SHANK2: variants seen among roughly 807,000 people sequenced by gnomAD.
The protein encoded by SHANK2 is SH3 and multiple ankyrin repeat domains protein 2.
Under a neutral mutation model 133.7 loss-of-function variants are expected in SHANK2, and 43 were observed. The ratio of observed to expected loss-of-function variants is 0.32; its 90% CI spans 0.25 to 0.41. The LOEUF is 0.41. Among genes scored for constraint, SHANK2 ranks in the 10% least tolerant of loss-of-function variants. SHANK2 has a pLI of 1.00. For synonymous variants in SHANK2, 1,017 were observed against 952.8 expected, an observed-to-expected ratio of 1.07 and a Z score of -1.24; for missense variants, 1,994 against 2,235.8, an observed-to-expected ratio of 0.89 and a Z score of 2.18.
intron 15 of SHANK2, among the ~76,000 whole-genome samples, chr11:70,693,421 C>T (rs1275774699): frequency 1.3e-5 from 2 of 152,174 alleles, no homozygotes; most frequent in Non-Finnish European, 2.9e-5. Flanking sequence ...TGAACCTTCT[C>T]TTGAGGGGTG....
At chr11:70,650,386 G>T (rs554491478) in intron 17 of SHANK2, among the ~76,000 whole-genome samples, 2 of 152,290 alleles carry the variant, frequency 1.3e-5, no homozygotes, top group South Asian at 4.1e-4. Flanking sequence ...ACATGCTGAG[G>T]GCTTTCTCCA....
intron 9 of SHANK2, among the ~76,000 whole-genome samples, chr11:71,068,897 C>G (rs1408033084): frequency 2.6e-5 from 4 of 151,720 alleles, no homozygotes; most frequent in African/African-American, 9.7e-5. Flanking sequence ...ACCATCACCA[C>G]CACCATCATC....
chr11:71,063,966 A>G (rs919171024), intron 9 of SHANK2, among the ~76,000 whole-genome samples: 137 of 151,932 alleles, frequency 9.0e-4, no homozygotes, highest in Non-Finnish European at 1.2e-3. Flanking sequence ...TTCCATTTAC[A>G]GATGAAGACC....
intron 17 of SHANK2, among the ~76,000 whole-genome samples, chr11:70,646,748 G>T (rs2061266211): frequency 1.3e-5 from 2 of 152,198 alleles, no homozygotes; most frequent in Non-Finnish European, 2.9e-5. Flanking sequence ...TCACAGTCCA[G>T]ATACCAAACA....
At chr11:70,920,949 T>G (rs781926632) in intron 10 of SHANK2, among the ~76,000 whole-genome samples, 2 of 152,190 alleles carry the variant, frequency 1.3e-5, no homozygotes, top group Non-Finnish European at 2.9e-5. Context: ...CCCCTTAAAC[T>G]TAGACGTGGC....
rs565163457 is a variant in SHANK2, at chr11:71,188,156, G to A, written c.-13+36541C>T. On this transcript the variant is annotated intron_variant, in intron 2 of 25. Transcript: ENST00000601538. This position sits in a 1 kb window ranked among gnomAD's most constrained non-coding sequence, Gnocchi z 4.6. ...AGACGTTTCCCTCTGCCTCTGCCCC[G>A]TTTTCCCAGCCACTCCTGAGACCTG... Among the ~76,000 whole-genome samples the A allele has an allele frequency of 8.3e-4, 127 of 152,150 alleles. No individual in the cohort carries two copies. The highest frequency in any genetic ancestry group is 2.8e-3 in the African/African-American group (115 of 41,508).
chr11:71,139,419 G>A (rs1298816023), intron 3 of SHANK2, among the ~76,000 whole-genome samples: 1 of 151,782 alleles, frequency 6.6e-6, no homozygotes, highest in Non-Finnish European at 1.5e-5. Context: ...GAGTTAATGG[G>A]TGCAGCACAG....
intron 1 of SHANK2, among the ~76,000 whole-genome samples, chr11:71,230,608 T>C (rs1424967147): frequency 6.7e-6 from 1 of 149,090 alleles, no homozygotes; most frequent in African/African-American, 2.5e-5. Flanking sequence ...GCAAAAGAAC[T>C]AGGAAAACTA....
chr11:70,829,335 C>T (rs983942071), intron 11 of SHANK2, among the ~76,000 whole-genome samples: 14 of 152,306 alleles, frequency 9.2e-5, no homozygotes, highest in South Asian at 4.1e-4. Context: ...GGCCACCGTC[C>T]GGTGCGTGTG....
At chr11:70,774,750 T>C (rs1347022390) in intron 14 of SHANK2, among the ~76,000 whole-genome samples, 2 of 152,160 alleles carry the variant, frequency 1.3e-5, no homozygotes, top group Non-Finnish European at 2.9e-5. Flanking sequence ...CAGTAAATTT[T>C]ATGGCATTGA....
intron 1 of SHANK2, among the ~76,000 whole-genome samples, chr11:71,225,867 T>C (rs939114119): frequency 2.0e-5 from 3 of 152,236 alleles, no homozygotes; most frequent in African/African-American, 7.2e-5. Flanking sequence ...CTCATGCCTG[T>C]AATCCCGGCA....
At chr11:71,076,320 G>A (rs1053261705) in intron 8 of SHANK2, among the ~76,000 whole-genome samples, 16 of 152,250 alleles carry the variant, frequency 1.1e-4, no homozygotes, top group Non-Finnish European at 1.8e-4. Flanking sequence ...AGGCGCCATG[G>A]TAGCCCAGGA....
chr11:71,220,537 A>G (rs1565523489), intron 2 of SHANK2, among the ~76,000 whole-genome samples: 1 of 152,200 alleles, frequency 6.6e-6, no homozygotes, highest in Non-Finnish European at 1.5e-5. Context: ...CCCAGTGTCC[A>G]CCACTGGATG....
chr11:70,922,756 G>A (rs1271849388), intron 10 of SHANK2, among the ~76,000 whole-genome samples: 1 of 152,082 alleles, frequency 6.6e-6, no homozygotes, highest in Non-Finnish European at 1.5e-5. Flanking sequence ...GGAATAAAAA[G>A]CAAATGGAAA....
chr11:70,490,123 T>C, intron 23 of SHANK2, 153 bp downstream of exon 23: 1 of 668,762 alleles, frequency 1.5e-6, no homozygotes, highest in Non-Finnish European at 2.7e-6. Flanking sequence ...CAAGGCCAGG[T>C]TCCCACCCTC....
intron 17 of SHANK2, among the ~76,000 whole-genome samples, chr11:70,586,394 C>T (rs563548344): frequency 2.0e-5 from 3 of 152,138 alleles, no homozygotes; most frequent in South Asian, 2.1e-4. Flanking sequence ...GGGGCAGGTG[C>T]GAATGAGGGA....
At chr11:70,738,157 A>G (rs1946446509) in intron 14 of SHANK2, among the ~76,000 whole-genome samples, 1 of 152,272 alleles carries the variant, frequency 6.6e-6, no homozygotes, top group South Asian at 2.1e-4. Flanking sequence ...CGCACAAGAG[A>G]ATCAGCACAC....
At chr11:70,568,453 G>T (rs968587735) in intron 17 of SHANK2, among the ~76,000 whole-genome samples, 12 of 152,136 alleles carry the variant, frequency 7.9e-5, no homozygotes, top group African/African-American at 2.9e-4. Flanking sequence ...CGAGTCTGAA[G>T]AACTCATTTA....
At position 70,669,779 on chromosome 11, in the gene SHANK2, A is replaced by G. The variant is rs1555015596; in HGVS notation, c.1854-8101T>C. On this transcript the variant is annotated intron_variant, in intron 15 of 25. Transcript: ENST00000601538. The stretch of plus-strand genomic sequence containing the variant: ...CATTTAAGCTGGTATCCATAAACGC[A>G]TCACTTCATTGCGTGTAGAACCACT... 2.0e-5 allele frequency: 3 copies of G among 152,424 alleles called. No individual in the cohort carries two copies. In the East Asian group the frequency reaches 5.8e-4, roughly 29 times the overall value. 9.4% of individuals were successfully genotyped at this position (152,424 alleles called of 1,614,324 possible).
Sources: gnomAD v4.1 joint callset for allele counts (sites outside exome capture counted in the v4.1 genomes callset) on GRCh38, gnomAD v4.1.1 for gene constraint, Gnocchi (gnomAD v3.1) non-coding constraint, MANE v1.5 for transcripts, NCBI Gene and HGNC (gene_info 2026-07-23, HGNC 2026-07-21) for gene names.